The following ZNF625 variants were observed in gnomAD, a reference collection of about 807,000 sequenced individuals.
ZNF625 encodes zinc finger protein 625.
Under a neutral mutation model 11.1 loss-of-function variants are expected in ZNF625, and 8 were observed. That is an observed-to-expected ratio of 0.72 (90% CI 0.42 to 1.30). The LOEUF (loss-of-function observed/expected upper bound fraction) is 1.30. Among genes scored for constraint, ZNF625 ranks in the 50% most tolerant of loss-of-function variants. The pLI is 0.01. For synonymous variants in ZNF625, 145 were observed against 153.4 expected, an observed-to-expected ratio of 0.95 and a Z score of 0.41; for missense variants, 349 against 447.6, an observed-to-expected ratio of 0.78 and a Z score of 1.99.
At chr19:12,151,152 T>G (rs1430987743) in intron 1 of ZNF625, among the ~76,000 whole-genome samples, 1 of 152,060 alleles carries the variant, frequency 6.6e-6, no homozygotes, top group Non-Finnish European at 1.5e-5. Context: ...AACCATGCAG[T>G]AACCAGGCTT....
intron 1 of ZNF625, among the ~76,000 whole-genome samples, chr19:12,155,418 T>C (rs1041044580): frequency 6.6e-6 from 1 of 152,168 alleles, no homozygotes; most frequent in African/African-American, 2.4e-5. Context: ...CATTCCTTCC[T>C]ACCCCTTTCA....
chr19:12,156,610 C>G lies in ZNF625; in HGVS notation c.-52G>C, dbSNP rs926630391. ...CCTCTCCACGGATCCCTCTAACAGT[C>G]CAGTCACAGTGCGGGCGATGGAGCG... is the stretch of plus-strand genomic sequence containing the variant. On this transcript the variant is annotated 5_prime_UTR_variant, in exon 1 of 4. Transcript: ENST00000439556. 3 of 1,285,776 alleles carry G rather than the reference C, an allele frequency of 2.3e-6. No homozygotes were observed. The highest frequency in any genetic ancestry group is 3.0e-6 in the Non-Finnish European group (3 of 1,012,426). The allele number at this position is 1,285,776 out of a possible 1,614,324, so 79.6% of individuals were successfully genotyped here.
rs748474291 is a variant in ZNF625 at position 12,145,892 on chromosome 19, C to T, written c.524G>A (p.Arg175His). The T allele has an allele frequency of 2.5e-5, 40 of 1,613,938 alleles. No individual in the cohort carries two copies. Among genetic ancestry groups the T allele is most frequent in the Middle Eastern group, 1.6e-4 (1 of 6,084 alleles). The change falls in exon 4 of 4, where the codon CGT becomes CAT. Residue 175 changes from arginine to histidine, a missense_variant. Physicochemically the swap from Arg to His is conservative, Grantham distance 29. Coordinates refer to ENST00000439556, the MANE Select transcript of ZNF625 (RefSeq NM_145233.4). ...TATCCTGTGTCTTCGAATGCTTGAA[C>T]GGGAAATAAAGCTTTTTCCACATTC... ...CEECGKSFIS[R>H]SSIRRHRIMH...
At chr19:12,150,055 C>T (rs758929477) in intron 1 of ZNF625, among the ~76,000 whole-genome samples, 4 of 152,130 alleles carry the variant, frequency 2.6e-5, no homozygotes, top group Non-Finnish European at 5.9e-5. Context: ...AAGTATTTTA[C>T]ACAACAAAGT....
intron 3 of ZNF625, among the ~76,000 whole-genome samples, chr19:12,146,969 GA>G (rs928463549): frequency 2.9e-4 from 37 of 126,018 alleles, no homozygotes; most frequent in African/African-American, 1.2e-3. Context: ...TGTTTTTAGA[GA>G]TTTTTTTTTT....
At chr19:12,156,089 C>T (rs1977022403) in intron 1 of ZNF625, among the ~76,000 whole-genome samples, 1 of 152,092 alleles carries the variant, frequency 6.6e-6, no homozygotes, top group Admixed American at 6.6e-5. Flanking sequence ...AATTTCTGGG[C>T]TGAAGCAATC....
rs745878612 is a variant in ZNF625, at chr19:12,145,485, C to G, written c.931G>C (p.Ala311Pro). The G allele has an allele frequency of 6.2e-7, 1 of 1,614,144 alleles. No individual in the cohort carries two copies. The highest frequency in any genetic ancestry group is 2.2e-5 in the East Asian group (1 of 44,888). Reference sequence around the variant, plus strand: ...CGAAGGTGCGAGGCAGATCTGAAGGCTTTCCCACATTGCTTACATTCATAG... The same window carrying G: ...CGAAGGTGCGAGGCAGATCTGAAGGGTTTCCCACATTGCTTACATTCATAG... ...KPYECKQCGKAFRSASHLRTH... is the reference protein window; with the variant it reads ...KPYECKQCGKPFRSASHLRTH... Residue 311 changes from alanine to proline, a missense_variant, in exon 4 of 4, where the codon GCC (alanine) becomes CCC (proline). By Grantham distance (27) the Ala-to-Pro change is conservative (BLOSUM62 -1). Transcript: ENST00000439556.
intron 1 of ZNF625, 82 bp downstream of exon 1, chr19:12,156,474 G>T: frequency 4.1e-6 from 5 of 1,223,412 alleles, no homozygotes; most frequent in Non-Finnish European, 4.3e-6. Context: ...CTGCAGGAAG[G>T]CCTGGGTCCT....
At chr19:12,155,851 T>TTTTTG (rs201049684) in intron 1 of ZNF625, among the ~76,000 whole-genome samples, 6,112 of 152,028 alleles carry the variant, frequency 0.04, 206 homozygotes, top group Non-Finnish European at 0.059. Context: ...GTTGCTGTTG[T>TTTTTG]TTTTGTTTTG....
At chr19:12,148,940 A>G (rs927430704) in intron 1 of ZNF625, among the ~76,000 whole-genome samples, 1 of 151,970 alleles carries the variant, frequency 6.6e-6, no homozygotes, top group Non-Finnish European at 1.5e-5. Context: ...CATATCTTTC[A>G]GCAATCTACT....
chr19:12,153,413 C>T (rs1976983460), intron 1 of ZNF625, among the ~76,000 whole-genome samples: 2 of 149,982 alleles, frequency 1.3e-5, no homozygotes, highest in African/African-American at 4.9e-5. Flanking sequence ...CGGCTGGGTG[C>T]AGTAGTTCAT....
At chr19:12,155,121 G>A (rs1477070318) in intron 1 of ZNF625, among the ~76,000 whole-genome samples, 1 of 151,498 alleles carries the variant, frequency 6.6e-6, no homozygotes, top group East Asian at 1.9e-4. Context: ...AGCTACTTGG[G>A]AGGCTGAGGC....
At chr19:12,147,529 G>GTACA in intron 2 of ZNF625, 74 bp from the exon 3 acceptor site, 1 of 1,513,656 alleles carries the variant, frequency 6.6e-7, no homozygotes, top group Non-Finnish European at 9.0e-7. Context: ...TAAGTTCATG[G>GTACA]TACACTGCAG....
intron 1 of ZNF625, among the ~76,000 whole-genome samples, chr19:12,154,790 C>G (rs1977004449): frequency 2.0e-5 from 3 of 152,196 alleles, no homozygotes; most frequent in African/African-American, 7.2e-5. Flanking sequence ...CTGAGTGGCT[C>G]TTTACCAAGG....
chr19:12,156,706 G>C lies in ZNF625; in HGVS notation c.-148C>G. The C allele has an allele frequency of 1.4e-6, 1 of 714,192 alleles. No individual in the cohort carries two copies. Among genetic ancestry groups the C allele is most frequent in the Non-Finnish European group, 2.0e-6 (1 of 512,012 alleles). 44.2% of individuals were successfully genotyped at this position (714,192 alleles called of 1,614,324 possible). On this transcript the variant is annotated 5_prime_UTR_variant, in exon 1 of 4. Transcript: ENST00000439556. Reference sequence around the variant, plus strand: ...ACCGAGATCCCGACCTCCCTTTGGTGCAAGACGCCTGGGAGTCAGGAAAGC... The same window carrying C: ...ACCGAGATCCCGACCTCCCTTTGGTCCAAGACGCCTGGGAGTCAGGAAAGC...
At chr19:12,154,851 C>G (rs1336983447) in intron 1 of ZNF625, among the ~76,000 whole-genome samples, 1 of 152,188 alleles carries the variant, frequency 6.6e-6, no homozygotes, top group East Asian at 1.9e-4. Flanking sequence ...TAAGGGAGAT[C>G]AGACACTCCA....
At chr19:12,147,880 T>C (rs1426403596) in intron 1 of ZNF625, 78 bp from the exon 2 acceptor site, 1 of 1,557,162 alleles carries the variant, frequency 6.4e-7, no homozygotes, top group Non-Finnish European at 8.7e-7. Flanking sequence ...CCTACAAAGT[T>C]TCCATGGTGC....
At chr19:12,154,703 C>T (rs1234646504) in intron 1 of ZNF625, among the ~76,000 whole-genome samples, 1 of 152,116 alleles carries the variant, frequency 6.6e-6, no homozygotes, top group African/African-American at 2.4e-5. Flanking sequence ...TTCTAATGCA[C>T]CATATAAAAG....
chr19:12,153,760 G>A (rs1378490591), intron 1 of ZNF625, among the ~76,000 whole-genome samples: 4 of 150,332 alleles, frequency 2.7e-5, no homozygotes. Context: ...TACAAACTGA[G>A]GCAGAAATAC....
Sources: gnomAD v4.1 joint callset for allele counts (sites outside exome capture counted in the v4.1 genomes callset) on GRCh38, gnomAD v4.1.1 for gene constraint, MANE v1.5 for transcripts, NCBI Gene and HGNC (gene_info 2026-07-23, HGNC 2026-07-21) for gene names.